SLMAP: variants seen among roughly 807,000 people sequenced by gnomAD.
SLMAP encodes the protein sarcolemmal membrane-associated protein.
A neutral mutation model predicts 128.8 loss-of-function variants in SLMAP; 44 were observed. The ratio of observed to expected loss-of-function variants is 0.34; its 90% CI spans 0.27 to 0.44. The LOEUF (loss-of-function observed/expected upper bound fraction) is 0.44, where lower values mean the gene tolerates loss of function less well. Among genes scored for constraint, SLMAP ranks in the 20% least tolerant of loss-of-function variants. The pLI is 1.00. For missense variants in SLMAP, 787 were observed against 985.3 expected (o/e 0.80, Z 2.69); for synonymous variants, 327 against 348.8 (o/e 0.94, Z 0.70).
chr3:57,845,846 C>T (rs913489323), intron 4 of SLMAP, among the ~76,000 whole-genome samples: 1 of 151,820 alleles, frequency 6.6e-6, no homozygotes, highest in African/African-American at 2.4e-5. Context: ...CTCCCCCCCA[C>T]CTTTTTTTTT....
rs2097044717 is a variant in SLMAP, at chr3:57,928,796, A to G, written c.*1507A>G. The G allele has an allele frequency of 6.6e-6, 1 of 152,492 alleles. No individual in the cohort carries two copies. Among genetic ancestry groups the G allele is most frequent in the Non-Finnish European group, 1.5e-5 (1 of 68,006 alleles). The allele number at this position is 152,492 out of a possible 1,614,324, so 9.4% of individuals were successfully genotyped here. A position where few individuals can be genotyped will look rare whatever the true frequency, so the allele number is the denominator to read the frequency against. ...TTGTGATGTTTGGCAGTCACTGTTT[A>G]TACTTTAAAGGTTATATTTTAAGCT... On this transcript the variant is annotated 3_prime_UTR_variant, in exon 25 of 25. Transcript: ENST00000671191.
chr3:57,919,702 G>A (rs1416686851), intron 22 of SLMAP, among the ~76,000 whole-genome samples: 1 of 151,704 alleles, frequency 6.6e-6, no homozygotes, highest in East Asian at 1.9e-4. Context: ...GCTGAGGCAG[G>A]AGAATCGCTT....
At chr3:57,881,480 C>T (rs746930572) in intron 14 of SLMAP, among the ~76,000 whole-genome samples, 70 of 152,206 alleles carry the variant, frequency 4.6e-4, no homozygotes, top group African/African-American at 8.2e-4. Flanking sequence ...TTTTTTGAGA[C>T]GGAGTCTTGC....
intron 2 of SLMAP, among the ~76,000 whole-genome samples, chr3:57,764,735 G>C (rs1009243462): frequency 2.0e-5 from 3 of 152,174 alleles, no homozygotes; most frequent in Non-Finnish European, 2.9e-5. Flanking sequence ...GAGGCACAGA[G>C]AGATCTTGGT....
intron 22 of SLMAP, chr3:57,918,249 A>T (rs1205401204): frequency 6.6e-6 from 1 of 152,212 alleles, no homozygotes; most frequent in Non-Finnish European, 1.5e-5. Context: ...TCCAGTCCAT[A>T]TGCCATAATT....
intron 8 of SLMAP, 135 bp from the exon 9 acceptor site, chr3:57,860,564 C>A: frequency 3.2e-6 from 2 of 625,676 alleles, no homozygotes; most frequent in Non-Finnish European, 4.9e-6. Flanking sequence ...TTAGTTAATA[C>A]AGGGCCAGAA....
chr3:57,813,692 A>T (rs1027287686), intron 2 of SLMAP, among the ~76,000 whole-genome samples: 5 of 152,184 alleles, frequency 3.3e-5, no homozygotes, highest in Non-Finnish European at 7.3e-5. Context: ...ATATAGAAGG[A>T]TGTGTATAGG....
At chr3:57,844,118 G>C (rs368255556) in intron 4 of SLMAP, among the ~76,000 whole-genome samples, 1 of 151,572 alleles carries the variant, frequency 6.6e-6, no homozygotes. Flanking sequence ...GAGGCCTGGC[G>C]CAGGTGGCTC....
intron 2 of SLMAP, among the ~76,000 whole-genome samples, chr3:57,826,351 A>T (rs998395189): frequency 2.0e-5 from 3 of 151,916 alleles, no homozygotes. Flanking sequence ...TCTGCTCCTT[A>T]TTCTCTTTTT....
intron 13 of SLMAP, among the ~76,000 whole-genome samples, chr3:57,867,727 A>G (rs1216803558): frequency 1.3e-5 from 2 of 152,218 alleles, no homozygotes; most frequent in African/African-American, 2.4e-5. Context: ...CCCATATTAT[A>G]TAATTTTAAC....
At chr3:57,838,976 T>A (rs754103378) in intron 3 of SLMAP, among the ~76,000 whole-genome samples, 3 of 152,044 alleles carry the variant, frequency 2.0e-5, no homozygotes, top group Non-Finnish European at 4.4e-5. Flanking sequence ...TTTGTTTGTG[T>A]TTTTGAGACA....
intron 17 of SLMAP, among the ~76,000 whole-genome samples, chr3:57,903,389 C>T (rs2096444618): frequency 6.6e-6 from 1 of 152,188 alleles, no homozygotes; most frequent in African/African-American, 2.4e-5. Context: ...TGCCAGGTCA[C>T]TTCTATCAGT....
intron 2 of SLMAP, among the ~76,000 whole-genome samples, chr3:57,780,216 T>C (rs1280498660): frequency 6.6e-6 from 1 of 151,658 alleles, no homozygotes; most frequent in Non-Finnish European, 1.5e-5. Flanking sequence ...GCATGATCAC[T>C]GCTCACTGCA....
chr3:57,762,821 T>C (rs2078961284), intron 2 of SLMAP, among the ~76,000 whole-genome samples: 2 of 150,664 alleles, frequency 1.3e-5, no homozygotes, highest in Admixed American at 1.3e-4. Flanking sequence ...GTTCAAGTGA[T>C]TCTTCTGCCT....
rs2097047026 is a variant in SLMAP, at chr3:57,929,149, A to C, written c.*1860A>C. 6.6e-6 allele frequency: 1 copy of C among 152,652 alleles called. No individual in the cohort carries two copies. The highest frequency in any genetic ancestry group is 2.4e-5 in the African/African-American group (1 of 41,470). The allele number at this position is 152,652 out of a possible 1,614,324, so 9.5% of individuals were successfully genotyped here. On this transcript the variant is annotated 3_prime_UTR_variant, in exon 25 of 25. Transcript: ENST00000671191. ...CACACGTGACGTGCATGATTTAATA[A>C]AATAACTTTACTCTCCCTACGCATG...
intron 14 of SLMAP, among the ~76,000 whole-genome samples, chr3:57,889,016 C>T (rs1464963232): frequency 6.6e-6 from 1 of 152,042 alleles, no homozygotes; most frequent in Non-Finnish European, 1.5e-5. Context: ...TCCCGAGTAG[C>T]TGGGACTACA....
chr3:57,835,249 G>A (rs1040296343), intron 3 of SLMAP, among the ~76,000 whole-genome samples: 4 of 151,936 alleles, frequency 2.6e-5, no homozygotes, highest in African/African-American at 9.7e-5. Flanking sequence ...AACCAGCCTG[G>A]GCAACATAGG....
chr3:57,851,163 C>A (rs1342677818), intron 6 of SLMAP, among the ~76,000 whole-genome samples: 1 of 152,072 alleles, frequency 6.6e-6, no homozygotes, highest in African/African-American at 2.4e-5. Flanking sequence ...TATCACATAT[C>A]AAGTATATGG....
At chr3:57,877,069 A>T (rs1351331310) in intron 14 of SLMAP, among the ~76,000 whole-genome samples, 1 of 151,370 alleles carries the variant, frequency 6.6e-6, no homozygotes, top group Non-Finnish European at 1.5e-5. Flanking sequence ...AGATCTGAGG[A>T]TGTATTCTTA....
Sources: gnomAD v4.1 joint callset for allele counts (sites outside exome capture counted in the v4.1 genomes callset) on GRCh38, gnomAD v4.1.1 for gene constraint, MANE v1.5 for transcripts, NCBI Gene and HGNC (gene_info 2026-07-23, HGNC 2026-07-21) for gene names.